The following ZBTB16 variants were observed in gnomAD, a reference collection of about 807,000 sequenced individuals.
ZBTB16 encodes zinc finger and BTB domain containing 16, also known as zinc finger and BTB domain-containing protein 16.
A neutral mutation model predicts 56.8 loss-of-function variants in ZBTB16; 8 were observed. The observed-to-expected ratio is 0.14, with a 90% CI of 0.08 to 0.25. The LOEUF (loss-of-function observed/expected upper bound fraction) is 0.25. Ranked by LOEUF, ZBTB16 falls within the 10% of genes least tolerant of loss-of-function variation. ZBTB16 has a pLI of 1.00. For missense variants in ZBTB16, 625 were observed against 903.0 expected (o/e 0.69, Z 3.95); for synonymous variants, 363 against 368.5 (o/e 0.98, Z 0.17).
intron 3 of ZBTB16, among the ~76,000 whole-genome samples, chr11:114,183,822 A>G (rs1023951475): frequency 1.3e-5 from 2 of 152,182 alleles, no homozygotes; most frequent in Non-Finnish European, 2.9e-5. Context: ...CTGCATTTCC[A>G]GTGTAAATGG....
At chr11:114,211,145 C>T (rs549653528) in intron 4 of ZBTB16, among the ~76,000 whole-genome samples, 18 of 152,318 alleles carry the variant, frequency 1.2e-4, no homozygotes, top group African/African-American at 4.1e-4. Context: ...TGGTCTCAAA[C>T]TCCTGACCTC....
intron 2 of ZBTB16, among the ~76,000 whole-genome samples, chr11:114,113,962 C>T (rs549978169): frequency 2.0e-5 from 3 of 152,300 alleles, no homozygotes; most frequent in Non-Finnish European, 2.9e-5. Context: ...CATGGTAAGG[C>T]GAAACTCCCA....
intron 2 of ZBTB16, among the ~76,000 whole-genome samples, chr11:114,102,927 G>T (rs1251480488): frequency 6.6e-6 from 1 of 152,146 alleles, no homozygotes; most frequent in Non-Finnish European, 1.5e-5. Context: ...CTCTTTCTTT[G>T]TGTGTGCCCA....
intron 2 of ZBTB16, among the ~76,000 whole-genome samples, chr11:114,110,022 G>C (rs1026038299): frequency 6.6e-6 from 1 of 152,050 alleles, no homozygotes; most frequent in African/African-American, 2.4e-5. Flanking sequence ...TCTATTTAAC[G>C]TTGTAACATT....
chr11:114,250,259 GTGACATGGTGC>G lies in ZBTB16; in HGVS notation c.1793-66_1793-56del, dbSNP rs1565709989. 1 of 1,562,988 alleles carries G rather than the reference GTGACATGGTGC, an allele frequency of 6.4e-7. No homozygotes were observed. The highest frequency in any genetic ancestry group is 1.3e-5 in the African/African-American group (1 of 74,192). On this transcript the variant is annotated intron_variant, in intron 6 of 6. Coordinates refer to ENST00000335953, the MANE Select transcript of ZBTB16 (RefSeq NM_006006.6). This position sits in a 1 kb window ranked among gnomAD's most constrained non-coding sequence, Gnocchi z 6.0. ...CCCAGCTTCCCTGGCACGCCTGAGG[GTGACATGGTGC>G]CCTCACCGCCTTCTGTCTGTCCTCA... is the stretch of plus-strand genomic sequence containing the variant.
chr11:114,112,760 CTTTT>C (rs398017637), intron 2 of ZBTB16, among the ~76,000 whole-genome samples: 45 of 133,124 alleles, frequency 3.4e-4, no homozygotes, highest in South Asian at 4.9e-4. Context: ...AGTTCATTTT[CTTTT>C]TTTTTTTTTT....
rs180801634 is a variant in ZBTB16 at position 114,139,243 on chromosome 11, C to A, written c.1269-17094C>A. On this transcript the variant is annotated intron_variant, in intron 2 of 6. Coordinates refer to ENST00000335953, the MANE Select transcript of ZBTB16 (RefSeq NM_006006.6). The stretch of plus-strand genomic sequence containing the variant: ...TCTCCAGGCTGTCGCTTTTGATTTG[C>A]GGTTTTCCCATTGCCAATTGCTCAC... Among the ~76,000 whole-genome samples, 45 of 152,236 alleles carry A rather than the reference C, an allele frequency of 3.0e-4. No individual in the cohort carries two copies. In the East Asian group the frequency reaches 7.8e-3, roughly 26 times the overall value.
chr11:114,131,146 G>A (rs566204772), intron 2 of ZBTB16, among the ~76,000 whole-genome samples: 20 of 152,274 alleles, frequency 1.3e-4, no homozygotes, highest in South Asian at 1.0e-3. Flanking sequence ...GGACAATTTC[G>A]TCCTCCAGGG....
chr11:114,168,056 A>C (rs1942843040), intron 3 of ZBTB16, among the ~76,000 whole-genome samples: 1 of 152,198 alleles, frequency 6.6e-6, no homozygotes, highest in Non-Finnish European at 1.5e-5. Flanking sequence ...TCTTTGTTAC[A>C]TAGCTATTTA....
At chr11:114,128,797 C>T (rs1052790084) in intron 2 of ZBTB16, among the ~76,000 whole-genome samples, 23 of 152,310 alleles carry the variant, frequency 1.5e-4, no homozygotes, top group Admixed American at 4.6e-4. Flanking sequence ...GGTGGGCACA[C>T]GTCTGTCACC....
chr11:114,076,207 T>C (rs2137684359), intron 2 of ZBTB16, among the ~76,000 whole-genome samples: 1 of 152,338 alleles, frequency 6.6e-6, no homozygotes, highest in Admixed American at 6.5e-5. Context: ...TCTGTCCATC[T>C]GTCTCTGGCA....
chr11:114,125,795 C>T (rs1565638789), intron 2 of ZBTB16, among the ~76,000 whole-genome samples: 1 of 152,094 alleles, frequency 6.6e-6, no homozygotes, highest in Non-Finnish European at 1.5e-5. Context: ...TCGTTTCAGA[C>T]AGCTAGAGGA....
In ZBTB16 at chr11:114,250,213, G is replaced by A; in HGVS notation, c.1793-113G>A. On this transcript the variant is annotated intron_variant, in intron 6 of 6. Coordinates refer to ENST00000335953, the MANE Select transcript of ZBTB16 (RefSeq NM_006006.6). This position sits in a 1 kb window ranked among gnomAD's most constrained non-coding sequence, Gnocchi z 6.0. ...TTCATTGTCCCAGAAAGTTCTGTTG[G>A]AGCAAGCCCAGCTGGAGGAACCCAG... 1 of 1,210,428 alleles carries A rather than the reference G, an allele frequency of 8.3e-7. No homozygotes were observed. Among genetic ancestry groups the A allele is most frequent in the Non-Finnish European group, 1.2e-6 (1 of 832,364 alleles). 75.0% of individuals were successfully genotyped at this position (1,210,428 alleles called of 1,614,324 possible).
In ZBTB16 at chr11:114,064,170, C is replaced by T. The variant is rs1264259967; in HGVS notation, c.870C>T (p.Thr290=). The T allele has an allele frequency of 6.2e-7, 1 of 1,613,900 alleles. No homozygotes were observed. Among genetic ancestry groups the T allele is most frequent in the East Asian group, 2.2e-5 (1 of 44,864 alleles). The change falls in exon 2 of 7, where the codon ACC becomes ACT. Residue 290 remains threonine (T), a synonymous_variant. Transcript: ENST00000335953. This position sits in a 1 kb window ranked among gnomAD's most constrained non-coding sequence, Gnocchi z 4.2. ...CCCCGACTCGAAGCAGCGTCATCACCAGTGCTAGGGAGCTACACTATGGGC... is the reference window on the plus strand; with the variant it reads ...CCCCGACTCGAAGCAGCGTCATCACTAGTGCTAGGGAGCTACACTATGGGC... ...PGTPTRSSVI[T]SARELHYGRE...
intron 5 of ZBTB16, among the ~76,000 whole-genome samples, chr11:114,244,590 A>C (rs1030714241): frequency 1.3e-5 from 2 of 151,940 alleles, no homozygotes; most frequent in African/African-American, 4.8e-5. Context: ...CGTGCTTCCA[A>C]ATCGGGATGG....
intron 2 of ZBTB16, among the ~76,000 whole-genome samples, chr11:114,083,349 C>T (rs535609025): frequency 2.4e-4 from 36 of 152,306 alleles, no homozygotes; most frequent in African/African-American, 7.7e-4. Context: ...TATAGACATC[C>T]TCCTTCCCTG....
intron 2 of ZBTB16, among the ~76,000 whole-genome samples, chr11:114,116,762 G>T (rs1321986446): frequency 6.6e-6 from 1 of 152,188 alleles, no homozygotes; most frequent in Non-Finnish European, 1.5e-5. Context: ...ATTGGTAAAT[G>T]CAGTGAAAGC....
intron 4 of ZBTB16, among the ~76,000 whole-genome samples, chr11:114,198,514 T>C (rs910005520): frequency 5.9e-5 from 9 of 152,208 alleles, no homozygotes; most frequent in African/African-American, 1.7e-4. Context: ...TTGTTCACCC[T>C]AGTGGCTCCC....
At chr11:114,155,365 T>C (rs1942382408) in intron 2 of ZBTB16, among the ~76,000 whole-genome samples, 1 of 152,232 alleles carries the variant, frequency 6.6e-6, no homozygotes, top group African/African-American at 2.4e-5. Flanking sequence ...CTCTCCCCAG[T>C]GCTCGGCTCC....
Sources: allele counts gnomAD v4.1 joint callset (sites outside exome capture counted in the v4.1 genomes callset), GRCh38; gene constraint gnomAD v4.1.1; non-coding constraint Gnocchi (gnomAD v3.1); transcripts MANE v1.5; gene names NCBI Gene and HGNC (gene_info 2026-07-23, HGNC 2026-07-21).